FOCAD: variants seen among roughly 807,000 people sequenced by gnomAD.
FOCAD encodes the protein focadhesin.
A neutral mutation model predicts 225.6 loss-of-function variants in FOCAD; 198 were observed. That is an observed-to-expected ratio of 0.88 (90% CI 0.78 to 0.99). The LOEUF is 0.99. Ranked by LOEUF, FOCAD falls within the 50% of genes least tolerant of loss-of-function variation. The probability of loss-of-function intolerance (pLI) is 0.00; values close to 1 mark genes in which losing one functional copy is unlikely to be tolerated. For missense variants in FOCAD, 2,713 were observed against 2,123.6 expected, an observed-to-expected ratio of 1.28 and a Z score of -5.46; for synonymous variants, 897 against 755.0, an observed-to-expected ratio of 1.19 and a Z score of -3.08.
intron 8 of FOCAD, among the ~76,000 whole-genome samples, chr9:20,776,409 GT>G (rs1818760694): frequency 6.6e-6 from 1 of 152,176 alleles, no homozygotes; most frequent in Non-Finnish European, 1.5e-5. Flanking sequence ...CTGACACAGG[GT>G]TTTATTAAAA....
chr9:20,857,504 G>T (rs958028323), intron 15 of FOCAD, among the ~76,000 whole-genome samples: 3 of 151,688 alleles, frequency 2.0e-5, no homozygotes, highest in African/African-American at 7.3e-5. Context: ...GAGTCTCTAG[G>T]TTTTTCTAAA....
At chr9:20,954,899 A>G (rs191838626) in intron 35 of FOCAD, among the ~76,000 whole-genome samples, 1 of 152,332 alleles carries the variant, frequency 6.6e-6, no homozygotes, top group East Asian at 1.9e-4. Context: ...CCCATTTACA[A>G]AAACAAAACC....
intron 6 of FOCAD, among the ~76,000 whole-genome samples, chr9:20,760,684 T>G (rs186353590): frequency 6.6e-5 from 10 of 152,356 alleles, no homozygotes; most frequent in Non-Finnish European, 1.2e-4. Context: ...CATGGTTACA[T>G]AATACCTTAC....
intron 2 of FOCAD, among the ~76,000 whole-genome samples, chr9:20,673,809 C>T (rs1029407421): frequency 1.3e-5 from 2 of 152,142 alleles, no homozygotes; most frequent in Non-Finnish European, 2.9e-5. Flanking sequence ...TGAGCTCAAG[C>T]GATCTGCCCA....
At chr9:20,944,504 C>T in intron 28 of FOCAD, 123 bp from the exon 29 acceptor site, 1 of 1,022,138 alleles carries the variant, frequency 9.8e-7, no homozygotes, top group Non-Finnish European at 1.5e-6. Flanking sequence ...ATCTACTAGG[C>T]AGCAGAATTT....
intron 11 of FOCAD, among the ~76,000 whole-genome samples, chr9:20,801,630 G>A (rs181694654): frequency 1.7e-3 from 253 of 152,298 alleles, no homozygotes; most frequent in Non-Finnish European, 3.1e-3. Context: ...TCTTCCTTGA[G>A]TATCATTTTT....
chr9:20,889,801 G>T (rs991485209), intron 21 of FOCAD, among the ~76,000 whole-genome samples: 3 of 152,158 alleles, frequency 2.0e-5, no homozygotes, highest in African/African-American at 7.2e-5. Context: ...AATGGTAAAT[G>T]CATTGAATTT....
At chr9:20,679,121 ATGTGTGTGTGTGTGTG>A (rs539231126) in intron 2 of FOCAD, among the ~76,000 whole-genome samples, 20,548 of 122,048 alleles carry the variant, frequency 0.17, 1,516 homozygotes, top group Non-Finnish European at 0.19. Context: ...CAGTCTGTGT[ATGTGTGTGTGTGTGTG>A]TGTGTGTGTG....
chr9:20,948,827 C>T, intron 31 of FOCAD, 24 bp from the exon 32 acceptor site: 1 of 1,611,848 alleles, frequency 6.2e-7, no homozygotes, highest in African/African-American at 1.3e-5. Context: ...TCCCTCTTTT[C>T]ATATTCTGAT....
chr9:20,687,476 C>G (rs1026945456), intron 1 of FOCAD, among the ~76,000 whole-genome samples: 4 of 152,138 alleles, frequency 2.6e-5, no homozygotes, highest in African/African-American at 9.7e-5. Flanking sequence ...ACAAACCTTT[C>G]TATTTGGCCT....
intron 1 of FOCAD, among the ~76,000 whole-genome samples, chr9:20,689,941 G>A (rs933608748): frequency 2.0e-5 from 3 of 152,162 alleles, no homozygotes; most frequent in South Asian, 4.1e-4. Context: ...GGACAGTGTG[G>A]CCTATTTGCT....
intron 28 of FOCAD, among the ~76,000 whole-genome samples, chr9:20,937,602 G>A (rs1836127486): frequency 6.6e-6 from 1 of 152,178 alleles, no homozygotes; most frequent in African/African-American, 2.4e-5. Context: ...AGACTTACAT[G>A]TTAGACCTAA....
At chr9:20,793,823 A>G (rs1344006185) in intron 11 of FOCAD, among the ~76,000 whole-genome samples, 1 of 152,194 alleles carries the variant, frequency 6.6e-6, no homozygotes, top group Non-Finnish European at 1.5e-5. Context: ...TGAATTTCAT[A>G]ATAGGTAGGA....
At chr9:20,754,895 A>T (rs1332318) in intron 5 of FOCAD, among the ~76,000 whole-genome samples, 1 of 152,176 alleles carries the variant, frequency 6.6e-6, no homozygotes. Flanking sequence ...AAATACATCC[A>T]TTATATTACG....
intron 11 of FOCAD, among the ~76,000 whole-genome samples, chr9:20,816,704 G>A (rs1353701026): frequency 6.6e-6 from 1 of 152,024 alleles, no homozygotes; most frequent in African/African-American, 2.4e-5. Context: ...AACAGATAGA[G>A]AAAATGAACA....
intron 8 of FOCAD, among the ~76,000 whole-genome samples, chr9:20,773,442 C>G (rs867406289): frequency 6.6e-6 from 1 of 152,106 alleles, no homozygotes; most frequent in African/African-American, 2.4e-5. Context: ...TAAAGTAGCA[C>G]CCACAGGTGA....
At chr9:20,782,429 C>T (rs181018915) in intron 10 of FOCAD, among the ~76,000 whole-genome samples, 1 of 152,224 alleles carries the variant, frequency 6.6e-6, no homozygotes, top group Admixed American at 6.5e-5. Context: ...TGTGTATGCC[C>T]CTATTCTGCT....
chr9:20,697,291 T>C (rs1823457161), intron 1 of FOCAD, among the ~76,000 whole-genome samples: 2 of 152,210 alleles, frequency 1.3e-5, no homozygotes, highest in African/African-American at 2.4e-5. Flanking sequence ...TGCCCTCTTA[T>C]GGTCTCTATT....
At chr9:20,755,744 C>G (rs971387752) in intron 5 of FOCAD, among the ~76,000 whole-genome samples, 1 of 152,090 alleles carries the variant, frequency 6.6e-6, no homozygotes, top group Admixed American at 6.6e-5. Context: ...CAGAAGAACC[C>G]AAAGCTGCTG....
Sources: allele counts gnomAD v4.1 joint callset (sites outside exome capture counted in the v4.1 genomes callset), GRCh38; gene constraint gnomAD v4.1.1; transcripts MANE v1.5; gene names NCBI Gene and HGNC (gene_info 2026-07-23, HGNC 2026-07-21).